SH3PXD2A: variants seen among roughly 807,000 people sequenced by gnomAD.
SH3PXD2A encodes the protein SH3 and PX domain-containing protein 2A.
SH3PXD2A carries 32 observed loss-of-function variants against 115.2 expected under a neutral mutation model. The observed-to-expected ratio is 0.28, with a 90% CI of 0.21 to 0.37. SH3PXD2A has a LOEUF of 0.37. Ranked by LOEUF, SH3PXD2A falls within the 10% of genes least tolerant of loss-of-function variation. The probability of loss-of-function intolerance (pLI) is 1.00; values close to 1 mark genes in which losing one functional copy is unlikely to be tolerated. For missense variants in SH3PXD2A, 1,328 were observed against 1,498.7 expected, an observed-to-expected ratio of 0.89 and a Z score of 1.88; for synonymous variants, 610 against 629.1, an observed-to-expected ratio of 0.97 and a Z score of 0.45.
At chr10:103,718,137 C>A (rs143087904) in intron 5 of SH3PXD2A, among the ~76,000 whole-genome samples, 1 of 152,010 alleles carries the variant, frequency 6.6e-6, no homozygotes, top group Non-Finnish European at 1.5e-5. Context: ...TCCTGAGTAG[C>A]GGGGACCACA....
chr10:103,841,571 G>A (rs2039598374), intron 1 of SH3PXD2A, among the ~76,000 whole-genome samples: 1 of 152,158 alleles, frequency 6.6e-6, no homozygotes, highest in Non-Finnish European at 1.5e-5. Flanking sequence ...CCTCACTGCT[G>A]AGCAGAGCAT....
chr10:103,701,975 A>ACATC (rs2037917445), intron 5 of SH3PXD2A, among the ~76,000 whole-genome samples: 1 of 115,862 alleles, frequency 8.6e-6, no homozygotes, highest in African/African-American at 3.4e-5. Context: ...CATCCATCCA[A>ACATC]CATCCATCCA....
Position 103,717,550 on chromosome 10 carries a change from A to G in SH3PXD2A, c.398+6720T>C, listed in dbSNP as rs1383941487. Among the ~76,000 whole-genome samples the G allele has an allele frequency of 1.3e-5, 2 of 152,250 alleles. 1 individual carries two copies. Among genetic ancestry groups the G allele is most frequent in the Non-Finnish European group, 2.9e-5 (2 of 68,040 alleles). On this transcript the variant is annotated intron_variant, in intron 5 of 14. Coordinates refer to ENST00000369774, the MANE Select transcript of SH3PXD2A (RefSeq NM_001394015.1). ...AGAATGAGGGCGTGGCCACTGGGCCAGGAGGCTGCAGAGATGCAAAGGTGG... is the reference window on the plus strand; with the variant it reads ...AGAATGAGGGCGTGGCCACTGGGCCGGGAGGCTGCAGAGATGCAAAGGTGG...
intron 8 of SH3PXD2A, among the ~76,000 whole-genome samples, chr10:103,657,089 G>A (rs758005636): frequency 6.6e-6 from 1 of 151,792 alleles, no homozygotes; most frequent in Non-Finnish European, 1.5e-5. Context: ...CCCAAGGTTT[G>A]GTTTTCTCAC....
At chr10:103,828,191 G>A (rs2039449228) in intron 1 of SH3PXD2A, among the ~76,000 whole-genome samples, 1 of 152,248 alleles carries the variant, frequency 6.6e-6, no homozygotes. Context: ...GGAAGCGAAT[G>A]CTTACGCTAG....
chr10:103,764,486 C>T (rs2134221509), intron 3 of SH3PXD2A, among the ~76,000 whole-genome samples: 1 of 152,234 alleles, frequency 6.6e-6, no homozygotes, highest in African/African-American at 2.4e-5. Flanking sequence ...CTCACTCCTC[C>T]TGACAACATC....
At chr10:103,629,937 G>T (rs2036753848) in intron 8 of SH3PXD2A, among the ~76,000 whole-genome samples, 1 of 152,230 alleles carries the variant, frequency 6.6e-6, no homozygotes, top group East Asian at 1.9e-4. Flanking sequence ...CATTGCCCTG[G>T]GCCTGGAGTG....
chr10:103,741,827 T>G (rs144998662), intron 3 of SH3PXD2A, among the ~76,000 whole-genome samples: 2 of 152,256 alleles, frequency 1.3e-5, no homozygotes, highest in African/African-American at 4.8e-5. Context: ...TGGCACAAAT[T>G]ACCACAAACC....
intron 5 of SH3PXD2A, among the ~76,000 whole-genome samples, chr10:103,715,238 A>C (rs546634645): frequency 6.6e-6 from 1 of 152,342 alleles, no homozygotes; most frequent in Non-Finnish European, 1.5e-5. Context: ...TGAACCTCAC[A>C]ATCATTTTGC....
Position 103,603,117 on chromosome 10 carries a change from A to C in SH3PXD2A, c.2101T>G (p.Cys701Gly). Reference protein sequence around the residue: ...SSSITINTTCCSSSSSSSSSL... With the variant: ...SSSITINTTCGSSSSSSSSSL... ...GAGGAGGAGGAGGAAGAGGAGGAGC[A>C]GCAAGTGGTGTTGATGGTGATGGAT... The change falls in exon 15 of 15, where the codon TGC becomes GGC. Residue 701 changes from cysteine (C) to glycine (G), a missense_variant. Physicochemically the swap from Cys to Gly is radical, Grantham distance 159. Transcript: ENST00000369774. 1 of 1,613,324 alleles carries C rather than the reference A, an allele frequency of 6.2e-7. No individual in the cohort carries two copies. The highest frequency in any genetic ancestry group is 8.5e-7 in the Non-Finnish European group (1 of 1,180,002).
chr10:103,634,415 T>C (rs368392220), intron 8 of SH3PXD2A, among the ~76,000 whole-genome samples: 42 of 152,348 alleles, frequency 2.8e-4, no homozygotes, highest in African/African-American at 1.0e-3. Flanking sequence ...CATATATGAC[T>C]TTATTCACAC....
intron 4 of SH3PXD2A, among the ~76,000 whole-genome samples, chr10:103,725,781 A>G (rs922244265): frequency 6.6e-6 from 1 of 152,208 alleles, no homozygotes; most frequent in Non-Finnish European, 1.5e-5. Context: ...GTGAGCCAAG[A>G]TCGTGCCACT....
At chr10:103,694,514 C>T (rs1380380006) in intron 5 of SH3PXD2A, among the ~76,000 whole-genome samples, 3 of 144,958 alleles carry the variant, frequency 2.1e-5, no homozygotes, top group Non-Finnish European at 4.5e-5. Context: ...ACTTAGAACC[C>T]ACTTAATCAG....
At chr10:103,850,418 C>T (rs1305062861) in intron 1 of SH3PXD2A, among the ~76,000 whole-genome samples, 1 of 152,122 alleles carries the variant, frequency 6.6e-6, no homozygotes, top group Non-Finnish European at 1.5e-5. Context: ...AATCACCCCT[C>T]GATCACTTCC....
At chr10:103,722,265 C>T (rs2038191132) in intron 5 of SH3PXD2A, among the ~76,000 whole-genome samples, 2 of 147,032 alleles carry the variant, frequency 1.4e-5, no homozygotes, top group South Asian at 4.3e-4. Context: ...GATTGCTCCA[C>T]TGCACTCCAG....
At position 103,627,052 on chromosome 10, in the gene SH3PXD2A, G is replaced by A. The variant is rs79593402; in HGVS notation, c.718+37C>T. On this transcript the variant is annotated intron_variant, in intron 9 of 14. Coordinates refer to ENST00000369774, the MANE Select transcript of SH3PXD2A (RefSeq NM_001394015.1). This position sits in a 1 kb window ranked among gnomAD's most constrained non-coding sequence, Gnocchi z 4.4. ...AGTGAGAGAGCTGCCTCCAGAGGCC[G>A]CGTTGCTCCCTGCCCCTTGGACCTG... is the stretch of plus-strand genomic sequence containing the variant. 3.0e-4 allele frequency: 348 copies of A among 1,160,548 alleles called. No homozygotes were observed. Among genetic ancestry groups the A allele is most frequent in the East Asian group, 7.3e-4 (31 of 42,750 alleles). The allele number at this position is 1,160,548 out of a possible 1,614,324, so 71.9% of individuals were successfully genotyped here. A position where few individuals can be genotyped will look rare whatever the true frequency, so the allele number is the denominator to read the frequency against.
intron 1 of SH3PXD2A, among the ~76,000 whole-genome samples, chr10:103,825,919 A>G (rs1431110450): frequency 6.6e-6 from 1 of 151,836 alleles, no homozygotes; most frequent in Non-Finnish European, 1.5e-5. Context: ...TCCCGCCACC[A>G]CGCCCGGCTA....
At chr10:103,800,254 G>A (rs1461973719) in intron 2 of SH3PXD2A, among the ~76,000 whole-genome samples, 1 of 152,140 alleles carries the variant, frequency 6.6e-6, no homozygotes, top group African/African-American at 2.4e-5. Context: ...GGGCTCCCTA[G>A]TGGCCATGTC....
intron 9 of SH3PXD2A, among the ~76,000 whole-genome samples, chr10:103,625,161 C>G (rs1482869006): frequency 6.6e-6 from 1 of 152,214 alleles, no homozygotes; most frequent in East Asian, 1.9e-4. Context: ...AAAGCACCTG[C>G]CTTCTGTTCC....
Sources: gnomAD v4.1 joint callset for allele counts (sites outside exome capture counted in the v4.1 genomes callset) on GRCh38, gnomAD v4.1.1 for gene constraint, Gnocchi (gnomAD v3.1) non-coding constraint, MANE v1.5 for transcripts, NCBI Gene and HGNC (gene_info 2026-07-23, HGNC 2026-07-21) for gene names.